Variants in CDK14 observed in about 807,000 individuals in gnomAD.
CDK14 encodes the protein cyclin-dependent kinase 14.
Under a neutral mutation model 60.7 loss-of-function variants are expected in CDK14, and 34 were observed. That is an observed-to-expected ratio of 0.56 (90% CI 0.43 to 0.75). The LOEUF (loss-of-function observed/expected upper bound fraction) is 0.75, where lower values mean the gene tolerates loss of function less well. CDK14 is among the 30% of genes least tolerant of loss of function. The probability of loss-of-function intolerance (pLI) is 0.00; values close to 1 mark genes in which losing one functional copy is unlikely to be tolerated. For synonymous variants in CDK14, 197 were observed against 203.7 expected (o/e 0.97, Z 0.28); for missense variants, 482 against 564.1 (o/e 0.85, Z 1.47).
intron 4 of CDK14, among the ~76,000 whole-genome samples, chr7:90,767,298 T>C (rs1324547540): frequency 6.6e-6 from 1 of 152,222 alleles, no homozygotes; most frequent in Non-Finnish European, 1.5e-5. Context: ...AGCACATCCA[T>C]GTACCTTATA....
At chr7:91,118,287 G>A (rs1205557365) in intron 14 of CDK14, 79 bp downstream of exon 14, 8 of 658,282 alleles carry the variant, frequency 1.2e-5, no homozygotes, top group African/African-American at 7.3e-5. Flanking sequence ...TTTCAGACTC[G>A]TTTTTTCACC....
chr7:90,676,174 G>A (rs1488132462), intron 2 of CDK14, among the ~76,000 whole-genome samples: 1 of 152,210 alleles, frequency 6.6e-6, no homozygotes, highest in Non-Finnish European at 1.5e-5. Context: ...GAGACAGTAA[G>A]CAAAATGTTT....
chr7:91,015,453 C>T (rs1323409944), intron 10 of CDK14, among the ~76,000 whole-genome samples: 1 of 151,482 alleles, frequency 6.6e-6, no homozygotes, highest in African/African-American at 2.4e-5. Flanking sequence ...GAAGATGTAT[C>T]CTGTAGCATT....
intron 2 of CDK14, 109 bp from the exon 3 acceptor site, chr7:90,726,458 G>T (rs1584826130): frequency 7.6e-7 from 1 of 1,307,602 alleles, no homozygotes; most frequent in East Asian, 2.5e-5. Context: ...GGCTTTTTGG[G>T]TATTTCCTGA....
At chr7:91,147,196 A>T (rs1800679632) in intron 14 of CDK14, among the ~76,000 whole-genome samples, 1 of 146,042 alleles carries the variant, frequency 6.8e-6, no homozygotes, top group Non-Finnish European at 1.5e-5. Context: ...ACACACACAC[A>T]CACACACACA....
intron 4 of CDK14, among the ~76,000 whole-genome samples, chr7:90,769,910 C>G (rs1296675855): frequency 6.6e-6 from 1 of 152,182 alleles, no homozygotes; most frequent in Non-Finnish European, 1.5e-5. Context: ...TTATTGAAGC[C>G]AACTTGTGTG....
intron 6 of CDK14, among the ~76,000 whole-genome samples, chr7:90,892,090 C>G (rs1458579328): frequency 6.6e-6 from 1 of 152,142 alleles, no homozygotes; most frequent in Non-Finnish European, 1.5e-5. Flanking sequence ...AATTTCATGT[C>G]CAAGAGGTGG....
intron 14 of CDK14, among the ~76,000 whole-genome samples, chr7:91,187,693 G>A (rs985561600): frequency 2.6e-5 from 4 of 152,134 alleles, no homozygotes; most frequent in Non-Finnish European, 1.5e-5. Context: ...GAGAGAGATG[G>A]GCTCCTAAAA....
intron 5 of CDK14, chr7:90,824,601 A>G (rs1267719003): frequency 6.6e-6 from 1 of 152,202 alleles, no homozygotes; most frequent in Non-Finnish European, 1.5e-5. Context: ...AGTTGCTGCT[A>G]CTCATTATGT....
chr7:90,748,221 ACTTTT>A (rs1803675064), intron 4 of CDK14, among the ~76,000 whole-genome samples: 1 of 152,122 alleles, frequency 6.6e-6, no homozygotes, highest in African/African-American at 2.4e-5. Flanking sequence ...AAAATGGCAA[ACTTTT>A]CTTTTTCTTT....
At chr7:91,082,508 T>C (rs1246003731) in intron 12 of CDK14, among the ~76,000 whole-genome samples, 1 of 152,174 alleles carries the variant, frequency 6.6e-6, no homozygotes, top group Non-Finnish European at 1.5e-5. Flanking sequence ...AAAATTGGTA[T>C]TCTAAATTGT....
At chr7:91,052,609 T>G (rs775982248) in intron 11 of CDK14, among the ~76,000 whole-genome samples, 4 of 152,200 alleles carry the variant, frequency 2.6e-5, no homozygotes, top group Non-Finnish European at 4.4e-5. Context: ...TCAAAAACTA[T>G]TTAATGGATT....
chr7:90,756,542 C>T (rs998358745), intron 4 of CDK14, among the ~76,000 whole-genome samples: 4 of 152,176 alleles, frequency 2.6e-5, no homozygotes, highest in African/African-American at 9.7e-5. Flanking sequence ...ACTTCCTTTC[C>T]TCCAGGTGGA....
rs780503136 is a variant in CDK14 at position 90,757,596 on chromosome 7, C to CTT, written c.464+9834_464+9835dup. The stretch of plus-strand genomic sequence containing the variant: ...GCCCCATCAAGAGATTTGTGTAATT[C>CTT]TTTTTTTTTTTTTTGTTTGAGACAG... On this transcript the variant is annotated intron_variant, in intron 4 of 14. Coordinates refer to ENST00000380050, the MANE Select transcript of CDK14 (RefSeq NM_001287135.2). 3.7e-4 allele frequency among the ~76,000 whole-genome samples: 53 copies of CTT among 143,122 alleles called. 1 individual carries two copies. Among genetic ancestry groups the CTT allele is most frequent in the Admixed American group, 1.4e-4 (2 of 14,182 alleles). 93.9% of individuals were successfully genotyped at this position (143,122 alleles called of 152,430 possible). A position where few individuals can be genotyped will look rare whatever the true frequency, so the allele number is the denominator to read the frequency against.
At chr7:91,180,470 A>G (rs1278187349) in intron 14 of CDK14, among the ~76,000 whole-genome samples, 1 of 150,564 alleles carries the variant, frequency 6.6e-6, no homozygotes, top group Non-Finnish European at 1.5e-5. Context: ...ACGCAAGTAT[A>G]CACATACATG....
chr7:91,049,411 A>G (rs1298212251), intron 11 of CDK14, among the ~76,000 whole-genome samples: 1 of 152,212 alleles, frequency 6.6e-6, no homozygotes, highest in African/African-American at 2.4e-5. Flanking sequence ...AAATAGAGAC[A>G]AAGTCTTGTT....
At chr7:91,108,672 A>G (rs1252050538) in intron 12 of CDK14, among the ~76,000 whole-genome samples, 6 of 152,310 alleles carry the variant, frequency 3.9e-5, no homozygotes, top group Non-Finnish European at 7.4e-5. Flanking sequence ...TTGTGTACCC[A>G]TTGATTTTGT....
intron 12 of CDK14, among the ~76,000 whole-genome samples, chr7:91,099,059 A>G (rs1799087755): frequency 6.6e-6 from 1 of 152,118 alleles, no homozygotes; most frequent in African/African-American, 2.4e-5. Flanking sequence ...TTCAAGAGCT[A>G]TTTTTAGTGC....
chr7:90,719,579 C>T (rs778644011), intron 2 of CDK14, among the ~76,000 whole-genome samples: 1 of 152,038 alleles, frequency 6.6e-6, no homozygotes, highest in Non-Finnish European at 1.5e-5. Flanking sequence ...AATTTTTACT[C>T]AGGTTTGAGT....
Sources: gnomAD v4.1 joint callset for allele counts (sites outside exome capture counted in the v4.1 genomes callset) on GRCh38, gnomAD v4.1.1 for gene constraint, MANE v1.5 for transcripts, NCBI Gene and HGNC (gene_info 2026-07-23, HGNC 2026-07-21) for gene names.